The following ARSG variants were observed in gnomAD, a reference collection of about 807,000 sequenced individuals.
ARSG encodes the protein ASG.
In ARSG, 37 loss-of-function variants were observed where a neutral mutation model predicts 50.5. The observed-to-expected ratio is 0.73, with a 90% CI of 0.56 to 0.96. The LOEUF is 0.96. Among genes scored for constraint, ARSG ranks in the 50% least tolerant of loss-of-function variants. The pLI, the probability that ARSG is intolerant of heterozygous loss-of-function variation, is 0.00. For synonymous variants in ARSG, 225 were observed against 254.6 expected (o/e 0.88, Z 1.11); for missense variants, 629 against 675.3 (o/e 0.93, Z 0.76).
upstream of ARSG, among the ~76,000 whole-genome samples, chr17:68,289,793 T>G (rs1297513904): frequency 1.3e-5 from 2 of 152,152 alleles, no homozygotes; most frequent in African/African-American, 4.8e-5. Flanking sequence ...AGGAAAGTCC[T>G]TTTTCGGAAA....
At chr17:68,344,497 A>G (rs2146269096) in intron 3 of ARSG, among the ~76,000 whole-genome samples, 1 of 152,324 alleles carries the variant, frequency 6.6e-6, no homozygotes, top group Middle Eastern at 3.4e-3. Context: ...AGCATTTATT[A>G]TGTGCTAGGC....
intron 2 of ARSG, among the ~76,000 whole-genome samples, chr17:68,342,993 G>A (rs547620651): frequency 2.0e-5 from 3 of 152,244 alleles, no homozygotes; most frequent in East Asian, 1.9e-4. Context: ...AACATACAAC[G>A]TTAGTAAGTA....
chr17:68,427,239 C>T (rs1488170759), downstream of ARSG: 1 of 1,613,972 alleles, frequency 6.2e-7, no homozygotes, highest in Non-Finnish European at 8.5e-7. Context: ...TTCTGTTGTT[C>T]CTGAGCCAAG....
intron 2 of ARSG, among the ~76,000 whole-genome samples, chr17:68,332,107 C>T (rs200317008): frequency 3.3e-5 from 5 of 152,274 alleles, no homozygotes; most frequent in East Asian, 1.9e-4. Flanking sequence ...GCACTACGGG[C>T]GACCGGGGAT....
At chr17:68,417,418 G>T (rs1169226796) in intron 11 of ARSG, among the ~76,000 whole-genome samples, 1 of 152,134 alleles carries the variant, frequency 6.6e-6, no homozygotes, top group African/African-American at 2.4e-5. Context: ...TAAGAACTTG[G>T]TTGAGCTCCT....
intron 7 of ARSG, among the ~76,000 whole-genome samples, chr17:68,369,724 T>C (rs538936984): frequency 6.6e-5 from 10 of 152,138 alleles, no homozygotes; most frequent in Non-Finnish European, 1.3e-4. Flanking sequence ...CTCCATAGCA[T>C]GTTGGAGGAT....
At chr17:68,345,773 A>C (rs1047293934) in intron 3 of ARSG, among the ~76,000 whole-genome samples, 3 of 152,198 alleles carry the variant, frequency 2.0e-5, no homozygotes, top group Non-Finnish European at 4.4e-5. Context: ...ACATAGTATA[A>C]TTTTTATGAT....
intron 1 of ARSG, among the ~76,000 whole-genome samples, chr17:68,298,304 TA>T (rs2076282095): frequency 6.6e-6 from 1 of 152,080 alleles, no homozygotes; most frequent in South Asian, 2.1e-4. Context: ...GATGCCATAA[TA>T]AAATACCATG....
intron 1 of ARSG, among the ~76,000 whole-genome samples, chr17:68,305,261 G>A (rs782289295): frequency 5.3e-5 from 8 of 152,210 alleles, no homozygotes; most frequent in Admixed American, 3.3e-4. Context: ...TTCAATTCCC[G>A]TCTTTCAAAA....
intron 9 of ARSG, among the ~76,000 whole-genome samples, chr17:68,389,653 C>T (rs542024617): frequency 6.6e-6 from 1 of 152,248 alleles, no homozygotes; most frequent in South Asian, 2.1e-4. Context: ...TGCCTTCATT[C>T]GGGAGAGATG....
intron 1 of ARSG, among the ~76,000 whole-genome samples, chr17:68,276,553 A>G (rs782411593): frequency 3.3e-5 from 5 of 152,012 alleles, no homozygotes; most frequent in Admixed American, 6.6e-5. Context: ...GGCTCAAGCA[A>G]TTCTCGCTCT....
intron 1 of ARSG, among the ~76,000 whole-genome samples, chr17:68,282,244 C>T (rs560488368): frequency 3.3e-5 from 5 of 151,840 alleles, no homozygotes; most frequent in African/African-American, 9.7e-5. Context: ...AGCAAACTAT[C>T]GCAAGGACAA....
At chr17:68,357,891 T>C (rs1401832490) in intron 6 of ARSG, among the ~76,000 whole-genome samples, 3 of 152,178 alleles carry the variant, frequency 2.0e-5, no homozygotes, top group African/African-American at 4.8e-5. Context: ...TCTCCTGATC[T>C]TGAAATATTA....
chr17:68,263,868 T>A (rs1165688225), intron 1 of ARSG, among the ~76,000 whole-genome samples: 1 of 152,178 alleles, frequency 6.6e-6, no homozygotes, highest in Non-Finnish European at 1.5e-5. Flanking sequence ...TCTTAATTTT[T>A]ATTTTTTGAG....
At chr17:68,401,505 C>A in intron 11 of ARSG, 55 bp downstream of exon 11, 1 of 1,525,162 alleles carries the variant, frequency 6.6e-7, no homozygotes, top group Non-Finnish European at 9.1e-7. Flanking sequence ...CACGGGGACC[C>A]CATGGACTCT....
At chr17:68,268,990 T>C in intron 1 of ARSG, 1 of 1,532,402 alleles carries the variant, frequency 6.5e-7, no homozygotes, top group Non-Finnish European at 8.8e-7. Flanking sequence ...AAATGTAGTT[T>C]TGAAAGTGGA....
chr17:68,261,640 A>G (rs2075072553), intron 1 of ARSG, among the ~76,000 whole-genome samples: 1 of 152,116 alleles, frequency 6.6e-6, no homozygotes, highest in Non-Finnish European at 1.5e-5. Context: ...TAGCCTCCCA[A>G]AGTGGATGCT....
intron 2 of ARSG, among the ~76,000 whole-genome samples, chr17:68,314,853 T>C (rs1480347683): frequency 6.6e-6 from 1 of 152,228 alleles, no homozygotes; most frequent in Non-Finnish European, 1.5e-5. Flanking sequence ...TTGGCTAATC[T>C]GCATGATAAA....
At chr17:68,329,493 T>G (rs190422101) in intron 2 of ARSG, among the ~76,000 whole-genome samples, 1 of 152,194 alleles carries the variant, frequency 6.6e-6, no homozygotes, top group Non-Finnish European at 1.5e-5. Flanking sequence ...AGAGCCCACA[T>G]TGGACAGCTC....
Sources: allele counts gnomAD v4.1 joint callset (sites outside exome capture counted in the v4.1 genomes callset), GRCh38; gene constraint gnomAD v4.1.1; transcripts MANE v1.5; gene names NCBI Gene and HGNC (gene_info 2026-07-23, HGNC 2026-07-21).